Variants in STIM1 observed in about 807,000 individuals in gnomAD.
The protein encoded by STIM1 is stromal interaction molecule 1.
A neutral mutation model predicts 74.7 loss-of-function variants in STIM1; 25 were observed. The observed-to-expected ratio is 0.33, with a 90% CI of 0.24 to 0.47. STIM1 has a LOEUF of 0.47. Among genes scored for constraint, STIM1 ranks in the 20% least tolerant of loss-of-function variants. The pLI is 1.00. For synonymous variants in STIM1, 328 were observed against 348.8 expected (o/e 0.94, Z 0.66); for missense variants, 728 against 920.8 (o/e 0.79, Z 2.71).
intron 1 of STIM1, among the ~76,000 whole-genome samples, chr11:3,927,797 G>T (rs10835311): frequency 0.24 from 37,235 of 152,174 alleles, 5,679 homozygotes; most frequent in South Asian, 0.45. Context: ...CTCCTTGTAA[G>T]TCTGAGTTAC....
At chr11:4,024,051 C>G in intron 3 of STIM1, 64 bp downstream of exon 3, 3 of 1,396,422 alleles carry the variant, frequency 2.1e-6, no homozygotes, top group Non-Finnish European at 3.0e-6. Flanking sequence ...GAAGCAGCAA[C>G]TTGGCCTTAG....
At chr11:4,056,522 G>A (rs2094291354) in intron 4 of STIM1, among the ~76,000 whole-genome samples, 1 of 152,234 alleles carries the variant, frequency 6.6e-6, no homozygotes, top group African/African-American at 2.4e-5. Flanking sequence ...GGTAAGTGCT[G>A]ATTATGTATA....
chr11:4,027,968 C>G (rs1265762538), intron 3 of STIM1, among the ~76,000 whole-genome samples: 3 of 152,296 alleles, frequency 2.0e-5, no homozygotes, highest in Admixed American at 6.5e-5. Flanking sequence ...AGGCACTGAC[C>G]TAAGGGAATT....
chr11:3,887,292 C>T (rs4910584), intron 1 of STIM1, among the ~76,000 whole-genome samples: 55,692 of 151,954 alleles, frequency 0.37, 10,726 homozygotes, highest in South Asian at 0.48. Context: ...TCACTTTTGC[C>T]CTGCAACAAA....
At chr11:3,924,688 A>G (rs2092766513) in intron 1 of STIM1, among the ~76,000 whole-genome samples, 1 of 152,234 alleles carries the variant, frequency 6.6e-6, no homozygotes, top group African/African-American at 2.4e-5. Flanking sequence ...CAATTCAGGA[A>G]AGAATTTCAT....
intron 1 of STIM1, among the ~76,000 whole-genome samples, chr11:3,941,500 G>A (rs2093004162): frequency 6.6e-6 from 1 of 151,720 alleles, no homozygotes; most frequent in Non-Finnish European, 1.5e-5. Context: ...TAGGACTTGG[G>A]CAGCCTTGTC....
intron 2 of STIM1, among the ~76,000 whole-genome samples, chr11:3,992,097 T>C (rs1469857505): frequency 1.5e-5 from 2 of 136,936 alleles, no homozygotes; most frequent in Non-Finnish European, 3.2e-5. Context: ...TTGTTTTTTT[T>C]TTTTTTTTTT....
At chr11:4,020,684 G>T (rs2093947534) in intron 2 of STIM1, among the ~76,000 whole-genome samples, 1 of 151,932 alleles carries the variant, frequency 6.6e-6, no homozygotes, top group African/African-American at 2.4e-5. Flanking sequence ...GATCTCCCAG[G>T]CTCAAGTGAT....
In STIM1 at chr11:3,895,733, TCTTTTTCTTTCTTCCTTCCTTCCTTC is replaced by T. The variant is rs1565105318; in HGVS notation, c.139+39328_139+39353del. On this transcript the variant is annotated intron_variant, in intron 1 of 12. Transcript: ENST00000526596. Reference sequence around the variant, plus strand: ...TTCTTTCTTTCTTTCTTTCTTTCTTTCTTTTTCTTTCTTCCTTCCTTCCTTCCTTCCTTCCTTCCTTCCTTCCTTCC... The same window carrying T: ...TTCTTTCTTTCTTTCTTTCTTTCTTTCTTCCTTCCTTCCTTCCTTCCTTCC... Among the ~76,000 whole-genome samples the T allele has an allele frequency of 3.5e-3, 142 of 40,520 alleles. 16 individuals are homozygous for T. Among genetic ancestry groups the T allele is most frequent in the East Asian group, 0.011 (17 of 1,520 alleles). The allele number at this position is 40,520 out of a possible 152,430, so 26.6% of individuals were successfully genotyped here.
chr11:3,856,310 G>C lies in STIM1; in HGVS notation c.40G>C (p.Gly14Arg). The C allele has an allele frequency of 6.2e-7, 1 of 1,614,176 alleles. No homozygotes were observed. Among genetic ancestry groups the C allele is most frequent in the South Asian group, 1.1e-5 (1 of 91,080 alleles). The change falls in exon 1 of 13, where the codon GGA becomes CGA. Residue 14 changes from glycine (G) to arginine (R), a missense_variant. Physicochemically the swap from Gly to Arg is moderately radical, Grantham distance 125 (BLOSUM62 -2). This residue lies in a region of STIM1 where 62 missense variants were observed against 55.5 expected (regional missense o/e 1.12). Transcript: ENST00000526596. ...CVRLALWLLWGLLLHQGQSLS... is the reference protein window; with the variant it reads ...CVRLALWLLWRLLLHQGQSLS... ...CCGTCTTGCCCTGTGGCTCCTCTGG[G>C]GACTCCTCCTGCACCAGGGCCAGAG...
At chr11:3,933,780 G>C (rs1029473116) in intron 1 of STIM1, among the ~76,000 whole-genome samples, 2 of 152,178 alleles carry the variant, frequency 1.3e-5, no homozygotes, top group Non-Finnish European at 1.5e-5. Context: ...TAAAGAGTAA[G>C]TTAGCTCTAA....
chr11:4,059,938 A>G (rs773393217), intron 5 of STIM1, among the ~76,000 whole-genome samples: 7 of 152,222 alleles, frequency 4.6e-5, no homozygotes, highest in Non-Finnish European at 1.0e-4. Flanking sequence ...CTACTTCTAT[A>G]TTTCATTTCA....
intron 1 of STIM1, among the ~76,000 whole-genome samples, chr11:3,911,123 G>C (rs2092555827): frequency 6.6e-6 from 1 of 152,182 alleles, no homozygotes. Flanking sequence ...GGGAGATAAG[G>C]ATAGGACTAG....
chr11:4,070,303 G>A, intron 6 of STIM1, 100 bp downstream of exon 6: 3 of 1,365,958 alleles, frequency 2.2e-6, no homozygotes, highest in Non-Finnish European at 3.1e-6. Context: ...GACCTTGTCA[G>A]CATGGCAGCC....
chr11:3,977,364 A>T (rs148289400), intron 2 of STIM1, among the ~76,000 whole-genome samples: 15 of 152,342 alleles, frequency 9.8e-5, no homozygotes, highest in Non-Finnish European at 2.2e-4. Flanking sequence ...TACAAGATCT[A>T]CTTATGACTT....
intron 2 of STIM1, chr11:3,972,899 A>G (rs1356734132): frequency 6.1e-6 from 3 of 494,010 alleles, no homozygotes; most frequent in Non-Finnish European, 1.2e-5. Context: ...CTGCCTCCAA[A>G]GTTTCCTCCT....
At chr11:4,039,285 C>G (rs919265169) in intron 3 of STIM1, among the ~76,000 whole-genome samples, 2 of 151,818 alleles carry the variant, frequency 1.3e-5, no homozygotes, top group Admixed American at 6.6e-5. Context: ...GAATGAAACC[C>G]TATCTCTGAA....
chr11:4,051,189 C>T (rs946113016), intron 3 of STIM1, among the ~76,000 whole-genome samples: 2 of 152,112 alleles, frequency 1.3e-5, no homozygotes, highest in Admixed American at 6.5e-5. Flanking sequence ...AACTATTTTG[C>T]ATCAACACAC....
intron 1 of STIM1, among the ~76,000 whole-genome samples, chr11:3,880,167 C>G (rs1335534521): frequency 6.6e-6 from 1 of 152,170 alleles, no homozygotes; most frequent in Non-Finnish European, 1.5e-5. Context: ...CTCTCTGAGC[C>G]TTAGGGCCAC....
Sources: gnomAD v4.1 joint callset for allele counts (sites outside exome capture counted in the v4.1 genomes callset) on GRCh38, gnomAD v4.1.1 for gene constraint, gnomAD v4.1.1 regional missense constraint, MANE v1.5 for transcripts, NCBI Gene and HGNC (gene_info 2026-07-23, HGNC 2026-07-21) for gene names.